Variants in SORCS3 observed in about 807,000 individuals in gnomAD.
SORCS3 encodes the protein VPS10 domain-containing receptor SorCS3.
A neutral mutation model predicts 146.3 loss-of-function variants in SORCS3; 57 were observed. The ratio of observed to expected loss-of-function variants is 0.39; its 90% CI spans 0.31 to 0.49. The LOEUF is 0.49. Among genes scored for constraint, SORCS3 ranks in the 20% least tolerant of loss-of-function variants. The pLI, the probability that SORCS3 is intolerant of heterozygous loss-of-function variation, is 0.92. For missense variants in SORCS3, 1,341 were observed against 1,575.5 expected, an observed-to-expected ratio of 0.85 and a Z score of 2.52; for synonymous variants, 653 against 618.5, an observed-to-expected ratio of 1.06 and a Z score of -0.83.
intron 5 of SORCS3, among the ~76,000 whole-genome samples, chr10:105,073,332 TC>T (rs1413383986): frequency 1.3e-5 from 2 of 152,210 alleles, no homozygotes; most frequent in Non-Finnish European, 2.9e-5. Context: ...TGTGACCCCT[TC>T]CAGGCCTAGG....
chr10:104,884,010 G>T (rs533549579), intron 2 of SORCS3, among the ~76,000 whole-genome samples: 3 of 152,044 alleles, frequency 2.0e-5, no homozygotes, highest in African/African-American at 7.2e-5. Flanking sequence ...TATCTGTTGA[G>T]AACTGACCAA....
intron 8 of SORCS3, among the ~76,000 whole-genome samples, chr10:105,144,463 A>G (rs1460084977): frequency 6.6e-6 from 1 of 152,180 alleles, no homozygotes; most frequent in African/African-American, 2.4e-5. Flanking sequence ...CCTAGATTAT[A>G]AGAAAATGTT....
At chr10:104,854,791 A>C (rs1198279776) in intron 2 of SORCS3, among the ~76,000 whole-genome samples, 1 of 152,158 alleles carries the variant, frequency 6.6e-6, no homozygotes, top group Non-Finnish European at 1.5e-5. Flanking sequence ...TATTTCAAAA[A>C]TGTTATAGGG....
chr10:104,653,942 T>TC (rs1446435235), intron 1 of SORCS3, among the ~76,000 whole-genome samples: 1 of 151,984 alleles, frequency 6.6e-6, no homozygotes, highest in African/African-American at 2.4e-5. Context: ...AATCCCCACC[T>TC]CCCCCTCTCC....
chr10:104,765,121 C>T (rs2133479461), intron 1 of SORCS3, among the ~76,000 whole-genome samples: 2 of 152,252 alleles, frequency 1.3e-5, no homozygotes, highest in South Asian at 4.1e-4. Flanking sequence ...GTGGGAGTGC[C>T]CTATATTTAC....
chr10:105,197,575 C>T, intron 14 of SORCS3, among the ~76,000 whole-genome samples: 1 of 152,166 alleles, frequency 6.6e-6, no homozygotes, highest in East Asian at 1.9e-4. Context: ...ACATATAATT[C>T]TGTTAATGCA....
chr10:105,168,359 GA>G (rs1344451621), intron 13 of SORCS3, among the ~76,000 whole-genome samples: 1 of 152,144 alleles, frequency 6.6e-6, no homozygotes, highest in Non-Finnish European at 1.5e-5. Context: ...CAACGATGAC[GA>G]CAACTTGTTG....
At chr10:105,216,362 G>A (rs1051402495) in intron 18 of SORCS3, among the ~76,000 whole-genome samples, 1 of 152,076 alleles carries the variant, frequency 6.6e-6, no homozygotes, top group African/African-American at 2.4e-5. Flanking sequence ...CAAAATAGGA[G>A]CAATTACAAC....
intron 4 of SORCS3, among the ~76,000 whole-genome samples, chr10:104,983,036 G>A (rs191164427): frequency 6.6e-5 from 10 of 151,362 alleles, no homozygotes; most frequent in Non-Finnish European, 1.5e-4. Flanking sequence ...GTCTTGCTCT[G>A]TTACCCATGC....
intron 11 of SORCS3, among the ~76,000 whole-genome samples, chr10:105,159,198 T>TC (rs2056240201): frequency 6.6e-6 from 1 of 152,090 alleles, no homozygotes; most frequent in Non-Finnish European, 1.5e-5. Flanking sequence ...GGCTCATGCA[T>TC]CTTCCCCCCA....
intron 5 of SORCS3, among the ~76,000 whole-genome samples, chr10:105,080,139 C>T (rs1185538452): frequency 6.6e-6 from 1 of 152,192 alleles, no homozygotes; most frequent in Admixed American, 6.5e-5. Context: ...CACCACACTA[C>T]TTCCCACAGC....
chr10:104,847,208 G>A (rs1430692755), intron 2 of SORCS3, among the ~76,000 whole-genome samples: 1 of 152,192 alleles, frequency 6.6e-6, no homozygotes, highest in Non-Finnish European at 1.5e-5. Flanking sequence ...AGGGAGGAAG[G>A]ATGTCACTTT....
intron 1 of SORCS3, among the ~76,000 whole-genome samples, chr10:104,720,050 T>C (rs1696478432): frequency 6.6e-6 from 1 of 152,072 alleles, no homozygotes; most frequent in Admixed American, 6.6e-5. Flanking sequence ...TATGTATACA[T>C]GTGCCATGTT....
At chr10:104,837,398 C>T (rs954761761) in intron 1 of SORCS3, among the ~76,000 whole-genome samples, 3 of 152,186 alleles carry the variant, frequency 2.0e-5, no homozygotes, top group African/African-American at 7.2e-5. Context: ...CATATAGAGA[C>T]AGACTTCTCT....
At position 105,242,839 on chromosome 10, in the gene SORCS3, TA is replaced by T. The variant is rs1415162980; in HGVS notation, c.2869-2702del. 6.1e-3 allele frequency among the ~76,000 whole-genome samples: 620 copies of T among 102,352 alleles called. 3 individuals are homozygous for T. The highest frequency in any genetic ancestry group is 9.6e-3 in the Middle Eastern group (1 of 104). 67.1% of individuals were successfully genotyped at this position (102,352 alleles called of 152,430 possible). On this transcript the variant is annotated intron_variant, in intron 20 of 26. Transcript: ENST00000369701. ...TATTTTTATATATAAATTATATATA[TA>T]TTTTTATATATAAATTATATATATA...
At chr10:104,877,775 A>G (rs968299163) in intron 2 of SORCS3, among the ~76,000 whole-genome samples, 3 of 152,166 alleles carry the variant, frequency 2.0e-5, no homozygotes, top group Non-Finnish European at 1.5e-5. Context: ...CACATAGAGT[A>G]TTTCTTCCCT....
chr10:104,939,776 C>G (rs1305551924), intron 3 of SORCS3, among the ~76,000 whole-genome samples: 1 of 152,184 alleles, frequency 6.6e-6, no homozygotes, highest in Non-Finnish European at 1.5e-5. Flanking sequence ...TGTCTTGCTC[C>G]ACAACACTCG....
chr10:104,757,760 T>G (rs567246022), intron 1 of SORCS3, among the ~76,000 whole-genome samples: 1 of 152,264 alleles, frequency 6.6e-6, no homozygotes, highest in African/African-American at 2.4e-5. Flanking sequence ...TGTTCTTAAA[T>G]CCTAGCATTA....
chr10:104,781,355 T>G (rs1223163957), intron 1 of SORCS3, among the ~76,000 whole-genome samples: 1 of 152,262 alleles, frequency 6.6e-6, no homozygotes, highest in East Asian at 1.9e-4. Flanking sequence ...CACAGAATGT[T>G]ATGTATTTGT....
Sources: allele counts gnomAD v4.1 joint callset (sites outside exome capture counted in the v4.1 genomes callset), GRCh38; gene constraint gnomAD v4.1.1; transcripts MANE v1.5; gene names NCBI Gene and HGNC (gene_info 2026-07-23, HGNC 2026-07-21).